The following ANKIB1 variants were observed in gnomAD, a reference collection of about 807,000 sequenced individuals.
ANKIB1 encodes the protein ankyrin repeat and IBR domain containing 1.
ANKIB1 carries 43 observed loss-of-function variants against 122.1 expected under a neutral mutation model. The ratio of observed to expected loss-of-function variants is 0.35; its 90% CI spans 0.28 to 0.45. ANKIB1 has a LOEUF of 0.45. Among genes scored for constraint, ANKIB1 ranks in the 20% least tolerant of loss-of-function variants. ANKIB1 has a pLI of 1.00. For missense variants in ANKIB1, 992 were observed against 1,329.5 expected, an observed-to-expected ratio of 0.75 and a Z score of 3.95; for synonymous variants, 390 against 442.0, an observed-to-expected ratio of 0.88 and a Z score of 1.48.
At chr7:92,260,724 T>C (rs1409386391) in intron 1 of ANKIB1, among the ~76,000 whole-genome samples, 3 of 151,656 alleles carry the variant, frequency 2.0e-5, no homozygotes, top group Non-Finnish European at 4.4e-5. Flanking sequence ...TTTTGCTGGC[T>C]ACCCTTTTAG....
At chr7:92,352,001 G>A (rs889525466) in intron 8 of ANKIB1, among the ~76,000 whole-genome samples, 3 of 151,920 alleles carry the variant, frequency 2.0e-5, no homozygotes, top group Non-Finnish European at 2.9e-5. Context: ...GATTACAGGC[G>A]TGAGCCACTG....
chr7:92,336,177 T>C (rs1052912931), intron 5 of ANKIB1, among the ~76,000 whole-genome samples: 1 of 152,086 alleles, frequency 6.6e-6, no homozygotes. Context: ...ATCTTTTTTC[T>C]CTGTTCTTCA....
At chr7:92,386,427 T>G (rs1223485796) in intron 11 of ANKIB1, 82 bp from the exon 12 acceptor site, 4 of 1,384,940 alleles carry the variant, frequency 2.9e-6, no homozygotes, top group Middle Eastern at 2.2e-4. Flanking sequence ...TATTTAATCT[T>G]TACAGATTGG....
At chr7:92,356,994 A>T (rs1177223041) in intron 9 of ANKIB1, among the ~76,000 whole-genome samples, 1 of 152,242 alleles carries the variant, frequency 6.6e-6, no homozygotes, top group Non-Finnish European at 1.5e-5. Flanking sequence ...AAAAAGTTCT[A>T]AAATGGCATT....
At chr7:92,364,742 G>A (rs1306102472) in intron 10 of ANKIB1, among the ~76,000 whole-genome samples, 1 of 152,168 alleles carries the variant, frequency 6.6e-6, no homozygotes, top group Non-Finnish European at 1.5e-5. Flanking sequence ...CATAAAGTGT[G>A]TTATTTTAGT....
At chr7:92,305,861 A>T (rs1802547624) in intron 2 of ANKIB1, among the ~76,000 whole-genome samples, 1 of 152,144 alleles carries the variant, frequency 6.6e-6, no homozygotes, top group African/African-American at 2.4e-5. Flanking sequence ...CTGCAGAGAG[A>T]TTTACTGCCC....
chr7:92,251,519 A>G (rs1437908135), intron 1 of ANKIB1, among the ~76,000 whole-genome samples: 3 of 152,210 alleles, frequency 2.0e-5, no homozygotes, highest in East Asian at 3.8e-4. Context: ...AATAATTTCA[A>G]ATTTAAAGAA....
chr7:92,316,295 A>C (rs1488727489), intron 3 of ANKIB1, among the ~76,000 whole-genome samples: 1 of 152,194 alleles, frequency 6.6e-6, no homozygotes, highest in East Asian at 1.9e-4. Flanking sequence ...CTATTTTGTC[A>C]AAGTAAGACA....
At chr7:92,361,857 T>C (rs1249937577) in intron 9 of ANKIB1, among the ~76,000 whole-genome samples, 1 of 152,186 alleles carries the variant, frequency 6.6e-6, no homozygotes, top group East Asian at 1.9e-4. Context: ...TTCCCCAGGC[T>C]GGAGTGCAAT....
intron 2 of ANKIB1, among the ~76,000 whole-genome samples, chr7:92,298,379 T>C (rs1460418988): frequency 6.6e-6 from 1 of 151,986 alleles, no homozygotes; most frequent in African/African-American, 2.4e-5. Context: ...AATACCAATA[T>C]AAAATGTATT....
chr7:92,251,350 G>A (rs565849100), intron 1 of ANKIB1, among the ~76,000 whole-genome samples: 8 of 152,138 alleles, frequency 5.3e-5, no homozygotes, highest in Non-Finnish European at 7.4e-5. Flanking sequence ...TTGTTAATGC[G>A]TCCCTTCAGA....
Position 92,390,044 on chromosome 7 carries a change from C to T in ANKIB1, c.1980C>T (p.Leu660=), listed in dbSNP as rs1261134870. 6.2e-7 allele frequency: 1 copy of T among 1,607,428 alleles called. No homozygotes were observed. The highest frequency in any genetic ancestry group is 1.7e-5 in the Admixed American group (1 of 58,864). The change falls in exon 15 of 20, where the codon CTC becomes CTT. Residue 660 remains leucine, a synonymous_variant. Transcript: ENST00000265742. The part of the protein sequence containing the change: ...VHVLLKTRRI[L]KCSYPYGFFL... ...TGCTCTTAAAAACTCGGCGCATTCTCAAGTGTTCTTATCCATATGGATTTT... is the reference window on the plus strand; with the variant it reads ...TGCTCTTAAAAACTCGGCGCATTCTTAAGTGTTCTTATCCATATGGATTTT...
At chr7:92,384,912 T>C (rs1431770107) in intron 11 of ANKIB1, among the ~76,000 whole-genome samples, 1 of 152,172 alleles carries the variant, frequency 6.6e-6, no homozygotes, top group Non-Finnish European at 1.5e-5. Context: ...AAAGAGTTTC[T>C]GCATAGCAAA....
chr7:92,338,911 C>CA (rs1184392588), intron 5 of ANKIB1, among the ~76,000 whole-genome samples: 1 of 21,204 alleles, frequency 4.7e-5, no homozygotes, highest in African/African-American at 2.5e-4. Context: ...GACTCCATCT[C>CA]AAAAAAAAAA....
intron 3 of ANKIB1, among the ~76,000 whole-genome samples, chr7:92,314,648 C>A (rs1171133301): frequency 6.6e-6 from 1 of 152,168 alleles, no homozygotes. Flanking sequence ...GTATACATAC[C>A]TCTTACAGTC....
intron 1 of ANKIB1, among the ~76,000 whole-genome samples, chr7:92,293,912 T>C (rs1221797816): frequency 6.6e-6 from 1 of 152,194 alleles, no homozygotes; most frequent in Non-Finnish European, 1.5e-5. Flanking sequence ...CTAGCATTTA[T>C]TGGACTCATT....
chr7:92,384,177 A>C (rs1804582143), intron 11 of ANKIB1, among the ~76,000 whole-genome samples: 1 of 152,188 alleles, frequency 6.6e-6, no homozygotes, highest in South Asian at 2.1e-4. Flanking sequence ...CCAATTTACA[A>C]GGGATGTGAA....
Position 92,246,147 on chromosome 7 carries a change from C to T in ANKIB1, c.-463C>T. The T allele has an allele frequency of 3.4e-6, 1 of 296,568 alleles. No individual in the cohort carries two copies. The highest frequency in any genetic ancestry group is 6.0e-5 in the Admixed American group (1 of 16,584). 18.4% of individuals were successfully genotyped at this position (296,568 alleles called of 1,614,324 possible). ...GGAAGAGGGCGGCCGGGGCTGCGAG[C>T]GCGCAAGGCTGGAACATGAGCCGGG... is the stretch of plus-strand genomic sequence containing the variant. On this transcript the variant is annotated 5_prime_UTR_variant, in exon 1 of 20. Coordinates refer to ENST00000265742, the MANE Select transcript of ANKIB1 (RefSeq NM_019004.2).
intron 1 of ANKIB1, among the ~76,000 whole-genome samples, chr7:92,272,062 T>A (rs1801807812): frequency 6.6e-6 from 1 of 152,032 alleles, no homozygotes; most frequent in African/African-American, 2.4e-5. Context: ...GGACTTTGAG[T>A]TTTAGAAAAT....
Sources: allele counts gnomAD v4.1 joint callset (sites outside exome capture counted in the v4.1 genomes callset), GRCh38; gene constraint gnomAD v4.1.1; transcripts MANE v1.5; gene names NCBI Gene and HGNC (gene_info 2026-07-23, HGNC 2026-07-21).